ABHD12: variants seen among roughly 807,000 people sequenced by gnomAD.
ABHD12 encodes abhydrolase domain containing 12, lysophospholipase.
A neutral mutation model predicts 58.3 loss-of-function variants in ABHD12; 43 were observed. That is an observed-to-expected ratio of 0.74 (90% CI 0.58 to 0.95). ABHD12 has a LOEUF of 0.95. Ranked by LOEUF, ABHD12 falls within the 40% of genes least tolerant of loss-of-function variation. The pLI is 0.00. For missense variants in ABHD12, 539 were observed against 537.2 expected (o/e 1.00, Z -0.03); for synonymous variants, 219 against 211.2 (o/e 1.04, Z -0.32).
rs368236650 is a variant in ABHD12, at chr20:25,338,743, C to T, written c.316+484G>A. Reference sequence around the variant, plus strand: ...AATTTGTTTTAAAAAAGAAAAAAGGCCTCATTTTTTTTTAAAGGTACTATA... The same window carrying T: ...AATTTGTTTTAAAAAAGAAAAAAGGTCTCATTTTTTTTTAAAGGTACTATA... On this transcript the variant is annotated intron_variant, in intron 2 of 12. Transcript: ENST00000339157. The T allele has an allele frequency of 3.1e-5, 30 of 973,618 alleles. No homozygotes were observed. The East Asian group carries it at 1.4e-3, about 44-fold the overall frequency. The allele number at this position is 973,618 out of a possible 1,614,324, so 60.3% of individuals were successfully genotyped here. A position where few individuals can be genotyped will look rare whatever the true frequency, so the allele number is the denominator to read the frequency against.
At position 25,302,346 on chromosome 20, in the gene ABHD12, G is replaced by T. The variant is rs766949743; in HGVS notation, c.1030C>A (p.Leu344Ile). Reference sequence around the variant, plus strand: ...CGAGCTGGTGCGGCGATGCTATAGAGCTGGGGAGAGAGGGGTCAGAGCCTG... The same window carrying T: ...CGAGCTGGTGCGGCGATGCTATAGATCTGGGGAGAGAGGGGTCAGAGCCTG... ...PVVPFQLGRK[L>I]YSIAAPARSF... is the part of the protein sequence containing the mutation. Residue 344 changes from leucine (L) to isoleucine (I), a missense_variant and splice_region_variant, in exon 12 of 13, where the codon CTC (leucine) becomes ATC (isoleucine). By Grantham distance (5) the Leu-to-Ile change is conservative. Coordinates refer to ENST00000339157, the MANE Select transcript of ABHD12 (RefSeq NM_001042472.3). 1.7e-5 allele frequency: 27 copies of T among 1,613,054 alleles called. No individual in the cohort carries two copies. Among genetic ancestry groups the T allele is most frequent in the Non-Finnish European group, 2.0e-5 (24 of 1,179,902 alleles).
chr20:25,315,356 G>C (rs1387674376), intron 5 of ABHD12, among the ~76,000 whole-genome samples: 1 of 152,180 alleles, frequency 6.6e-6, no homozygotes, highest in Admixed American at 6.5e-5. Context: ...GGGCTACACT[G>C]TGCAGAGACC....
chr20:25,380,685 T>C (rs1234319967), intron 1 of ABHD12, among the ~76,000 whole-genome samples: 1 of 152,186 alleles, frequency 6.6e-6, no homozygotes, highest in Non-Finnish European at 1.5e-5. Flanking sequence ...GGTGGCTGCC[T>C]TGACACCTTT....
intron 2 of ABHD12, 180 bp downstream of exon 2, chr20:25,339,047 T>C: frequency 7.2e-7 from 1 of 1,387,322 alleles, no homozygotes; most frequent in Non-Finnish European, 9.4e-7. Context: ...ATCTGGGTGG[T>C]AGCTCTACCT....
chr20:25,332,404 G>C (rs1167075966), intron 2 of ABHD12, among the ~76,000 whole-genome samples: 2 of 151,982 alleles, frequency 1.3e-5, no homozygotes, highest in East Asian at 3.9e-4. Context: ...CAACGAGACA[G>C]AAAGTCAACA....
chr20:25,339,452 AT>A lies in ABHD12; in HGVS notation c.192-102del, dbSNP rs529825315. ...AAATCCCTAAACAAGAGCCACACAT[AT>A]TTTTTTTTCCACAAGGATACTGCCA... On this transcript the variant is annotated intron_variant, in intron 1 of 12. Coordinates refer to ENST00000339157, the MANE Select transcript of ABHD12 (RefSeq NM_001042472.3). 451 of 1,543,774 alleles carry A rather than the reference AT, an allele frequency of 2.9e-4. No individual in the cohort carries two copies. The African/African-American group carries it at 3.4e-3, about 12-fold the overall frequency.
chr20:25,336,774 A>T (rs943673097), intron 2 of ABHD12, among the ~76,000 whole-genome samples: 56 of 152,232 alleles, frequency 3.7e-4, no homozygotes, highest in African/African-American at 1.3e-3. Context: ...TCATGTGCTG[A>T]TAAAACACTG....
chr20:25,323,394 T>A lies in ABHD12; in HGVS notation c.353A>T (p.Gln118Leu). 6.2e-7 allele frequency: 1 copy of A among 1,613,890 alleles called. No homozygotes were observed. Among genetic ancestry groups the A allele is most frequent in the Non-Finnish European group, 8.5e-7 (1 of 1,179,748 alleles). ...ACACGTGTGATTCAAACCTTGATCCTGTGGTTTTTTCAAATCAATGAAATA... is the reference window on the plus strand; with the variant it reads ...ACACGTGTGATTCAAACCTTGATCCAGTGGTTTTTTCAAATCAATGAAATA... ...VPYFIDLKKP[Q>L]DQGLNHTCNY... is the part of the protein sequence containing the mutation. Residue 118 changes from glutamine (Q) to leucine (L), a missense_variant, in exon 3 of 13, where the codon CAG (glutamine) becomes CTG (leucine). Coordinates refer to ENST00000339157, the MANE Select transcript of ABHD12 (RefSeq NM_001042472.3).
intron 1 of ABHD12, chr20:25,368,793 C>T (rs755379864): frequency 1.1e-5 from 8 of 720,338 alleles, no homozygotes; most frequent in Admixed American, 2.0e-5. Flanking sequence ...CTCCCAGCGG[C>T]GGTGGCATCT....
Position 25,300,305 on chromosome 20 carries a change from G to A in ABHD12, c.*540C>T, listed in dbSNP as rs1042747473. 68 of 1,026,558 alleles carry A rather than the reference G, an allele frequency of 6.6e-5. No homozygotes were observed. The highest frequency in any genetic ancestry group is 6.8e-5 in the African/African-American group (4 of 58,840). 63.6% of individuals were successfully genotyped at this position (1,026,558 alleles called of 1,614,324 possible). A position where few individuals can be genotyped will look rare whatever the true frequency, so the allele number is the denominator to read the frequency against. ...TGAAAGGGGAGGAAGTGCAGATCCCGGGCACTTCCACTGTGGGTGAGTGGG... is the reference window on the plus strand; with the variant it reads ...TGAAAGGGGAGGAAGTGCAGATCCCAGGCACTTCCACTGTGGGTGAGTGGG... On this transcript the variant is annotated 3_prime_UTR_variant, in exon 13 of 13. Transcript: ENST00000339157.
At chr20:25,349,306 A>C (rs1182586772) in intron 1 of ABHD12, among the ~76,000 whole-genome samples, 1 of 152,232 alleles carries the variant, frequency 6.6e-6, no homozygotes, top group Non-Finnish European at 1.5e-5. Context: ...AAAATAGTCC[A>C]GCTGCTATGG....
At chr20:25,352,111 C>A (rs375843501) in intron 1 of ABHD12, among the ~76,000 whole-genome samples, 5 of 151,918 alleles carry the variant, frequency 3.3e-5, no homozygotes, top group Admixed American at 1.3e-4. Context: ...CTAGCCTCAG[C>A]CTCCCAAGTA....
chr20:25,357,495 T>C (rs1229073785), intron 1 of ABHD12, among the ~76,000 whole-genome samples: 1 of 152,198 alleles, frequency 6.6e-6, no homozygotes, highest in Non-Finnish European at 1.5e-5. Flanking sequence ...GGTCTGCAGT[T>C]TCTATCGTGA....
intron 2 of ABHD12, among the ~76,000 whole-genome samples, chr20:25,337,354 G>A (rs2482924): frequency 1.7e-3 from 261 of 152,318 alleles, no homozygotes; most frequent in Middle Eastern, 6.8e-3. Context: ...CGTTAAGGAT[G>A]GGCAACACCT....
chr20:25,330,586 G>C (rs567915143), intron 2 of ABHD12, among the ~76,000 whole-genome samples: 1 of 152,202 alleles, frequency 6.6e-6, no homozygotes, highest in African/African-American at 2.4e-5. Context: ...TGAAGAGAGC[G>C]GTGGTTCTCC....
chr20:25,296,581 CT>C (rs1600750443), downstream of ABHD12: 4 of 1,552,564 alleles, frequency 2.6e-6, no homozygotes, highest in Non-Finnish European at 3.5e-6. Context: ...TTTGCACCTC[CT>C]TTTTTCCCCA....
chr20:25,371,338 T>C (rs763485128), intron 1 of ABHD12, among the ~76,000 whole-genome samples: 3 of 152,190 alleles, frequency 2.0e-5, no homozygotes, highest in Non-Finnish European at 4.4e-5. Flanking sequence ...CTTAGAACAC[T>C]GTTTACAACC....
intron 2 of ABHD12, among the ~76,000 whole-genome samples, chr20:25,326,204 G>A (rs2089175243): frequency 6.6e-6 from 1 of 151,866 alleles, no homozygotes; most frequent in South Asian, 2.1e-4. Flanking sequence ...GGGAGGGAAA[G>A]AAAGGAAAGA....
intron 1 of ABHD12, among the ~76,000 whole-genome samples, chr20:25,376,094 C>G (rs1339611091): frequency 6.6e-6 from 1 of 152,006 alleles, no homozygotes; most frequent in East Asian, 1.9e-4. Flanking sequence ...TGCACTCCAG[C>G]CTGGGCGACA....
Sources: allele counts gnomAD v4.1 joint callset (sites outside exome capture counted in the v4.1 genomes callset), GRCh38; gene constraint gnomAD v4.1.1; transcripts MANE v1.5; gene names NCBI Gene and HGNC (gene_info 2026-07-23, HGNC 2026-07-21).